The following GSE1 variants were observed in gnomAD, a reference collection of about 807,000 sequenced individuals.
The protein encoded by GSE1 is Gse1 coiled-coil protein.
Under a neutral mutation model 112.6 loss-of-function variants are expected in GSE1, and 32 were observed. The observed-to-expected ratio is 0.28, with a 90% CI of 0.21 to 0.38. The LOEUF is 0.38. GSE1 is among the 10% of genes least tolerant of loss of function. GSE1 has a pLI of 1.00. For synonymous variants in GSE1, 1,115 were observed against 735.6 expected, an observed-to-expected ratio of 1.52 and a Z score of -8.35; for missense variants, 2,348 against 1,699.2, an observed-to-expected ratio of 1.38 and a Z score of -6.71.
At chr16:85,250,147 G>A (rs1021352932) in intron 1 of GSE1, among the ~76,000 whole-genome samples, 6 of 152,232 alleles carry the variant, frequency 3.9e-5, no homozygotes, top group African/African-American at 1.4e-4. Flanking sequence ...TTGAGGCCAG[G>A]CCGAGCCCTT....
intron 2 of GSE1, among the ~76,000 whole-genome samples, chr16:85,640,665 G>T (rs532118479): frequency 6.6e-6 from 1 of 152,258 alleles, no homozygotes; most frequent in Non-Finnish European, 1.5e-5. Context: ...TGCTTCCACC[G>T]TGGAGCCGGC....
chr16:85,498,059 G>T (rs1324550615), intron 2 of GSE1, among the ~76,000 whole-genome samples: 1 of 152,084 alleles, frequency 6.6e-6, no homozygotes, highest in African/African-American at 2.4e-5. Context: ...TGGGGGTGGG[G>T]TGGGTGCCTG....
chr16:85,204,461 A>G (rs1450199392), intron 1 of GSE1, among the ~76,000 whole-genome samples: 1 of 152,204 alleles, frequency 6.6e-6, no homozygotes, highest in African/African-American at 2.4e-5. Flanking sequence ...TTCTCTGAGG[A>G]ATTCTCAGTT....
intron 1 of GSE1, among the ~76,000 whole-genome samples, chr16:85,347,125 G>T (rs868471492): frequency 6.6e-6 from 1 of 152,138 alleles, no homozygotes; most frequent in Non-Finnish European, 1.5e-5. Context: ...GGCTGGCAGG[G>T]CTGTACACCC....
intron 1 of GSE1, among the ~76,000 whole-genome samples, chr16:85,222,761 G>T (rs1007759197): frequency 1.3e-5 from 2 of 152,154 alleles, no homozygotes; most frequent in Non-Finnish European, 2.9e-5. Context: ...TGCCCTCTCC[G>T]AGGGTGGGGA....
chr16:85,176,741 C>G (rs1010094501), intron 1 of GSE1, among the ~76,000 whole-genome samples: 1 of 152,264 alleles, frequency 6.6e-6, no homozygotes, highest in Non-Finnish European at 1.5e-5. Context: ...GAGCCCAGAA[C>G]AGGTGTTGCT....
intron 3 of GSE1, among the ~76,000 whole-genome samples, chr16:85,649,937 A>C (rs1350734108): frequency 6.6e-6 from 1 of 152,154 alleles, no homozygotes; most frequent in East Asian, 1.9e-4. Context: ...GCCCCCGGGC[A>C]GGCCCTGATC....
At chr16:85,551,995 G>GC (rs1160868628), upstream of GSE1, among the ~76,000 whole-genome samples, 1 of 152,052 alleles carries the variant, frequency 6.6e-6, no homozygotes, top group East Asian at 1.9e-4. Context: ...CCAAGCCCCT[G>GC]CTTCGCCTCC....
At chr16:85,641,427 C>CCCCA (rs1449679042) in intron 2 of GSE1, among the ~76,000 whole-genome samples, 2 of 151,740 alleles carry the variant, frequency 1.3e-5, no homozygotes, top group African/African-American at 4.9e-5. Flanking sequence ...GCTGACGCCC[C>CCCCA]CCCCCGCCCT....
chr16:85,571,201 C>T (rs1243777467), intron 1 of GSE1, among the ~76,000 whole-genome samples: 1 of 152,200 alleles, frequency 6.6e-6, no homozygotes, highest in Non-Finnish European at 1.5e-5. Flanking sequence ...CCCGGAGTCA[C>T]GTGCACCCTT....
At chr16:85,191,726 C>T (rs551845427) in intron 1 of GSE1, among the ~76,000 whole-genome samples, 133 of 152,278 alleles carry the variant, frequency 8.7e-4, no homozygotes, top group African/African-American at 2.7e-3. Flanking sequence ...GAGTAGAGGC[C>T]GGAACTTATC....
intron 1 of GSE1, among the ~76,000 whole-genome samples, chr16:85,191,927 C>T (rs988586788): frequency 6.6e-6 from 1 of 151,874 alleles, no homozygotes. Flanking sequence ...GGTGGGCAGG[C>T]ATGGGTGGGC....
intron 2 of GSE1, among the ~76,000 whole-genome samples, chr16:85,634,778 C>T (rs929685598): frequency 6.6e-6 from 1 of 152,174 alleles, no homozygotes; most frequent in African/African-American, 2.4e-5. Flanking sequence ...CAGTGAGGCT[C>T]TAAAGACGCC....
chr16:85,597,878 C>G (rs1269988338), intron 1 of GSE1, among the ~76,000 whole-genome samples: 3 of 152,316 alleles, frequency 2.0e-5, no homozygotes, highest in South Asian at 4.1e-4. Flanking sequence ...CTGATTTGAA[C>G]TTTGATCTTC....
chr16:85,193,667 C>T (rs527404950), intron 1 of GSE1, among the ~76,000 whole-genome samples: 1 of 152,194 alleles, frequency 6.6e-6, no homozygotes, highest in Non-Finnish European at 1.5e-5. Context: ...GCCATGTTGG[C>T]CAGGCTGGTC....
intron 1 of GSE1, among the ~76,000 whole-genome samples, chr16:85,569,588 G>A (rs928097617): frequency 2.0e-5 from 3 of 152,234 alleles, no homozygotes; most frequent in Non-Finnish European, 2.9e-5. Flanking sequence ...TGGTATTATC[G>A]TCTGTGTGAT....
intron 2 of GSE1, among the ~76,000 whole-genome samples, chr16:85,515,443 T>C (rs2051897317): frequency 6.6e-6 from 1 of 152,156 alleles, no homozygotes; most frequent in Non-Finnish European, 1.5e-5. Context: ...CTTCGGGGCC[T>C]GGGGTCACCC....
At chr16:85,598,049 G>A (rs1190661758) in intron 1 of GSE1, among the ~76,000 whole-genome samples, 1 of 151,970 alleles carries the variant, frequency 6.6e-6, no homozygotes, top group Non-Finnish European at 1.5e-5. Flanking sequence ...CTGAAGAAGC[G>A]ATTCCTCGGA....
At chr16:85,665,172 C>T in intron 12 of GSE1, 44 bp downstream of exon 12, 1 of 1,191,816 alleles carries the variant, frequency 8.4e-7, no homozygotes, top group Non-Finnish European at 1.3e-6. Flanking sequence ...AGGACCATCC[C>T]ATGGGCTGCC....
Sources: allele counts gnomAD v4.1 joint callset (sites outside exome capture counted in the v4.1 genomes callset), GRCh38; gene constraint gnomAD v4.1.1; transcripts MANE v1.5; gene names NCBI Gene and HGNC (gene_info 2026-07-23, HGNC 2026-07-21).